The following LAMA2 variants were observed in gnomAD, a reference collection of about 807,000 sequenced individuals.
LAMA2 encodes the protein laminin subunit alpha 2, also known as laminin subunit alpha-2.
A neutral mutation model predicts 364.8 loss-of-function variants in LAMA2; 269 were observed. The observed-to-expected ratio is 0.74, with a 90% CI of 0.67 to 0.82. The LOEUF (loss-of-function observed/expected upper bound fraction) is 0.82, where lower values mean the gene tolerates loss of function less well. Among genes scored for constraint, LAMA2 ranks in the 40% least tolerant of loss-of-function variants. The pLI is 0.00. For missense variants in LAMA2, 3,807 were observed against 3,873.2 expected (o/e 0.98, Z 0.45); for synonymous variants, 1,379 against 1,370.6 (o/e 1.01, Z -0.14).
At chr6:129,359,332 A>G (rs1173358083) in intron 32 of LAMA2, among the ~76,000 whole-genome samples, 1 of 149,890 alleles carries the variant, frequency 6.7e-6, no homozygotes, top group South Asian at 2.1e-4. Context: ...CATAAAACAT[A>G]TATATAAAAC....
chr6:129,444,080 A>G (rs914403041), intron 44 of LAMA2, among the ~76,000 whole-genome samples: 1 of 152,184 alleles, frequency 6.6e-6, no homozygotes, highest in Non-Finnish European at 1.5e-5. Flanking sequence ...AAAATAAAGG[A>G]CAAATAGGCA....
At chr6:129,398,633 C>G (rs746388466) in intron 37 of LAMA2, among the ~76,000 whole-genome samples, 1 of 151,858 alleles carries the variant, frequency 6.6e-6, no homozygotes, top group African/African-American at 2.4e-5. Flanking sequence ...CACCACCACA[C>G]CCAGCTAATT....
intron 18 of LAMA2, among the ~76,000 whole-genome samples, chr6:129,284,525 T>G (rs1480267060): frequency 1.3e-5 from 2 of 152,180 alleles, no homozygotes; most frequent in Non-Finnish European, 2.9e-5. Context: ...CTGATTTTTT[T>G]TAATGGGTTG....
chr6:129,202,998 A>T (rs1169802273), intron 12 of LAMA2, among the ~76,000 whole-genome samples: 1 of 152,214 alleles, frequency 6.6e-6, no homozygotes, highest in African/African-American at 2.4e-5. Context: ...TCATGTTTTC[A>T]GCTGTAGGGC....
At chr6:129,340,596 G>T (rs1776204003) in intron 29 of LAMA2, among the ~76,000 whole-genome samples, 1 of 152,050 alleles carries the variant, frequency 6.6e-6, no homozygotes, top group Non-Finnish European at 1.5e-5. Context: ...GGCACGTTGG[G>T]AGGCTGAGGT....
intron 1 of LAMA2, 135 bp downstream of exon 1, chr6:128,883,492 G>C (rs1775940702): frequency 1.4e-6 from 2 of 1,428,022 alleles, no homozygotes; most frequent in African/African-American, 2.8e-5. Flanking sequence ...TGGGGCAAGA[G>C]GAACTTGAAG....
intron 41 of LAMA2, among the ~76,000 whole-genome samples, chr6:129,432,159 C>A (rs546829517): frequency 6.6e-6 from 1 of 152,074 alleles, no homozygotes; most frequent in South Asian, 2.1e-4. Context: ...AGCCTGGGTC[C>A]CCTGGCCTAC....
rs201702468 is a variant in LAMA2 at position 129,477,720 on chromosome 6, A to G, written c.7452-973A>G. 4.1e-5 allele frequency among the ~76,000 whole-genome samples: 6 copies of G among 145,344 alleles called. No homozygotes were observed. In the South Asian group the frequency reaches 1.3e-3, roughly 32 times the overall value. ...TTGCATTTGGTTGCTTTATTTTGTT[A>G]TTGTTCTAATGTAGAATACAGACTT... On this transcript the variant is annotated intron_variant, in intron 53 of 64. Transcript: ENST00000421865.
In LAMA2 at chr6:129,314,799, G is replaced by A. The variant is rs1057518119; in HGVS notation, c.3555+1G>A. On this transcript the variant is annotated splice_donor_variant, in intron 24 of 64. Transcript: ENST00000421865. LOFTEE classifies it high-confidence loss of function. Reference sequence around the variant, plus strand: ...AGCAAAAGGACTGATCCGGACGTGGGTGAGTAGGGAACTGCTGAGCCATGT... The same window carrying A: ...AGCAAAAGGACTGATCCGGACGTGGATGAGTAGGGAACTGCTGAGCCATGT... 3 of 1,613,958 alleles carry A rather than the reference G, an allele frequency of 1.9e-6. No homozygotes were observed. Among genetic ancestry groups the A allele is most frequent in the Non-Finnish European group, 2.5e-6 (3 of 1,179,958 alleles).
intron 4 of LAMA2, among the ~76,000 whole-genome samples, chr6:129,115,690 G>A (rs1776435904): frequency 6.6e-6 from 1 of 152,052 alleles, no homozygotes; most frequent in African/African-American, 2.4e-5. Context: ...AGGTGGTGTT[G>A]CTGAGTGCAA....
intron 4 of LAMA2, among the ~76,000 whole-genome samples, chr6:129,139,412 A>G (rs1777986764): frequency 6.6e-6 from 1 of 152,138 alleles, no homozygotes; most frequent in Non-Finnish European, 1.5e-5. Flanking sequence ...TATTCCCTAA[A>G]TAATATGGTA....
intron 1 of LAMA2, among the ~76,000 whole-genome samples, chr6:128,916,549 G>C (rs1360850866): frequency 2.0e-5 from 3 of 152,190 alleles, no homozygotes; most frequent in Non-Finnish European, 4.4e-5. Context: ...AAAGTAACTG[G>C]CATTTCAAGT....
chr6:129,195,222 C>T (rs558118525), intron 12 of LAMA2, among the ~76,000 whole-genome samples: 36 of 152,228 alleles, frequency 2.4e-4, no homozygotes, highest in African/African-American at 8.7e-4. Context: ...AACAGAAGGG[C>T]GATATGCTGT....
intron 4 of LAMA2, among the ~76,000 whole-genome samples, chr6:129,117,893 G>A (rs1776567868): frequency 6.6e-6 from 1 of 152,176 alleles, no homozygotes; most frequent in African/African-American, 2.4e-5. Context: ...CCAGGCTGAT[G>A]GTATAGTCTG....
chr6:129,314,398 C>CAAAAAAAAAAAAAAAA lies in LAMA2; in HGVS notation c.3412-251_3412-236dup, dbSNP rs3062342. ...TGGGCGAAAGAGCGAGACTCCGTCT[C>CAAAAAAAAAAAAAAAA]AAAAAAAAAAAAAAAAAAAAAGTAC... On this transcript the variant is annotated intron_variant, in intron 23 of 64. Transcript: ENST00000421865. 3.7e-4 allele frequency among the ~76,000 whole-genome samples: 30 copies of CAAAAAAAAAAAAAAAA among 81,860 alleles called. 2 individuals carry two copies. Among genetic ancestry groups the CAAAAAAAAAAAAAAAA allele is most frequent in the African/African-American group, 1.5e-3 (27 of 18,192 alleles). The allele number at this position is 81,860 out of a possible 152,430, so 53.7% of individuals were successfully genotyped here. A position where few individuals can be genotyped will look rare whatever the true frequency, so the allele number is the denominator to read the frequency against.
intron 1 of LAMA2, among the ~76,000 whole-genome samples, chr6:128,971,551 A>G (rs957185261): frequency 1.3e-5 from 2 of 152,088 alleles, no homozygotes; most frequent in African/African-American, 4.8e-5. Flanking sequence ...AATAAGAGAG[A>G]AATTAGAGGG....
chr6:129,246,502 A>G (rs2114261677), intron 12 of LAMA2, among the ~76,000 whole-genome samples: 1 of 152,304 alleles, frequency 6.6e-6, no homozygotes, highest in Non-Finnish European at 1.5e-5. Context: ...ACCTCTACAC[A>G]CAGTTTGTGA....
At chr6:129,034,809 A>AT (rs1306192659) in intron 1 of LAMA2, among the ~76,000 whole-genome samples, 2 of 152,002 alleles carry the variant, frequency 1.3e-5, no homozygotes, top group African/African-American at 2.4e-5. Context: ...TGATTTCATT[A>AT]TTTTTTATGG....
intron 3 of LAMA2, among the ~76,000 whole-genome samples, chr6:129,091,873 T>C (rs561292987): frequency 1.3e-5 from 2 of 152,378 alleles, no homozygotes; most frequent in East Asian, 3.8e-4. Flanking sequence ...AGTCCACTTA[T>C]AGCATTGTCA....
Sources: gnomAD v4.1 joint callset for allele counts (sites outside exome capture counted in the v4.1 genomes callset) on GRCh38, gnomAD v4.1.1 for gene constraint, MANE v1.5 for transcripts, NCBI Gene and HGNC (gene_info 2026-07-23, HGNC 2026-07-21) for gene names.